Variants in APP observed in about 807,000 individuals in gnomAD.
APP encodes the protein amyloid beta precursor protein.
A neutral mutation model predicts 101.4 loss-of-function variants in APP; 31 were observed. The ratio of observed to expected loss-of-function variants is 0.31; its 90% CI spans 0.23 to 0.41. The LOEUF is 0.41. APP is among the 10% of genes least tolerant of loss of function. The pLI is 1.00. For missense variants in APP, 839 were observed against 1,003.7 expected, an observed-to-expected ratio of 0.84 and a Z score of 2.22; for synonymous variants, 366 against 364.4, an observed-to-expected ratio of 1.00 and a Z score of -0.05.
chr21:25,910,134 TA>T lies in APP; in HGVS notation c.1909+1606del, dbSNP rs2038993875. 2.6e-5 allele frequency among the ~76,000 whole-genome samples: 4 copies of T among 152,098 alleles called. No individual in the cohort carries two copies. In the South Asian group the frequency reaches 6.2e-4, roughly 24 times the overall value. ...ATATATATTTTTTACTTTATTTATT[TA>T]TTTTTTTTAAATTTAAAGTCTCGCT... On this transcript the variant is annotated intron_variant, in intron 14 of 17. Transcript: ENST00000346798.
chr21:26,140,348 C>T, intron 1 of APP: 1 of 1,508,900 alleles, frequency 6.6e-7, no homozygotes, highest in South Asian at 1.3e-5. Context: ...AGCATGTCAA[C>T]ACTAACCCAA....
intron 3 of APP, among the ~76,000 whole-genome samples, chr21:26,088,775 C>G (rs2061756952): frequency 6.6e-6 from 1 of 152,072 alleles, no homozygotes; most frequent in African/African-American, 2.4e-5. Flanking sequence ...CATATAGGAA[C>G]AAGGAATAAG....
chr21:26,101,161 G>A (rs79554415), intron 2 of APP, among the ~76,000 whole-genome samples: 1 of 136,136 alleles, frequency 7.3e-6, no homozygotes, highest in Non-Finnish European at 1.5e-5. Flanking sequence ...GTGCAGTGGC[G>A]TGATCTCGGC....
chr21:26,021,313 G>A (rs909637901), intron 6 of APP, among the ~76,000 whole-genome samples: 16 of 152,136 alleles, frequency 1.1e-4, no homozygotes, highest in African/African-American at 3.9e-4. Flanking sequence ...CTCCCAAAGT[G>A]CTGGGATTAC....
chr21:26,002,838 G>T (rs544236258), intron 6 of APP, among the ~76,000 whole-genome samples: 1 of 152,088 alleles, frequency 6.6e-6, no homozygotes, highest in Admixed American at 6.5e-5. Flanking sequence ...CACGGGCCTC[G>T]CAGTGAACAT....
At chr21:25,949,095 T>A (rs1332901541) in intron 13 of APP, among the ~76,000 whole-genome samples, 11 of 152,100 alleles carry the variant, frequency 7.2e-5, no homozygotes, top group African/African-American at 1.7e-4. Flanking sequence ...AATAACTTTT[T>A]AAAAAATAAA....
intron 15 of APP, among the ~76,000 whole-genome samples, chr21:25,898,801 G>A (rs567098755): frequency 6.6e-6 from 1 of 152,236 alleles, no homozygotes; most frequent in East Asian, 1.9e-4. Context: ...TCTTACTTGG[G>A]CTACACATTC....
chr21:25,891,568 C>G, intron 17 of APP, 154 bp downstream of exon 17: 1 of 802,376 alleles, frequency 1.2e-6, no homozygotes, highest in South Asian at 1.4e-5. Context: ...GAATGAAAAC[C>G]AAAACAAGAA....
intron 5 of APP, among the ~76,000 whole-genome samples, chr21:26,023,603 T>C (rs1319427808): frequency 1.3e-5 from 2 of 151,978 alleles, no homozygotes; most frequent in Non-Finnish European, 2.9e-5. Context: ...CTCAGAAGGC[T>C]GGGGCGGGAG....
intron 5 of APP, among the ~76,000 whole-genome samples, chr21:26,025,430 A>C (rs1039994447): frequency 6.6e-6 from 1 of 152,226 alleles, no homozygotes; most frequent in African/African-American, 2.4e-5. Flanking sequence ...CATGATGTAT[A>C]CACGTGATCT....
chr21:25,930,240 C>T (rs2040081975), intron 13 of APP, among the ~76,000 whole-genome samples: 1 of 152,186 alleles, frequency 6.6e-6, no homozygotes, highest in Non-Finnish European at 1.5e-5. Flanking sequence ...GTGTGACCAG[C>T]CCCGTCTCTC....
Position 26,146,201 on chromosome 21 carries a change from T to G in APP, c.57+24363A>C, listed in dbSNP as rs545892732. Among the ~76,000 whole-genome samples the G allele has an allele frequency of 2.0e-5, 3 of 152,304 alleles. No homozygotes were observed. In the East Asian group the frequency reaches 5.8e-4, roughly 29 times the overall value. On this transcript the variant is annotated intron_variant, in intron 1 of 17. Coordinates refer to ENST00000346798, the MANE Select transcript of APP (RefSeq NM_000484.4). ...AATACAAAAAATGAGCCAGGCGTGGTGGCTCACACCTGTAATCCCAGGTAC... is the reference window on the plus strand; with the variant it reads ...AATACAAAAAATGAGCCAGGCGTGGGGGCTCACACCTGTAATCCCAGGTAC...
chr21:25,977,289 A>T (rs928135703), intron 9 of APP, among the ~76,000 whole-genome samples: 1 of 152,224 alleles, frequency 6.6e-6, no homozygotes, highest in African/African-American at 2.4e-5. Flanking sequence ...GACAAGTAGA[A>T]TTTGTTTGAA....
chr21:25,960,969 C>T (rs937865560), intron 11 of APP, among the ~76,000 whole-genome samples: 1 of 152,122 alleles, frequency 6.6e-6, no homozygotes, highest in African/African-American at 2.4e-5. Context: ...TGGTAGTTAT[C>T]TCTATCCCTC....
At chr21:26,037,594 C>A (rs371652660) in intron 5 of APP, among the ~76,000 whole-genome samples, 2 of 152,166 alleles carry the variant, frequency 1.3e-5, no homozygotes, top group African/African-American at 4.8e-5. Context: ...CATAACTAGA[C>A]GAGGCACTTA....
At chr21:26,047,101 A>C (rs1023026557) in intron 5 of APP, among the ~76,000 whole-genome samples, 1 of 152,176 alleles carries the variant, frequency 6.6e-6, no homozygotes. Flanking sequence ...TAAATTTCTG[A>C]AACACTACCT....
chr21:25,898,821 T>C (rs769636036), intron 15 of APP, among the ~76,000 whole-genome samples: 12 of 152,152 alleles, frequency 7.9e-5, no homozygotes, highest in Non-Finnish European at 1.6e-4. Flanking sequence ...CCCAATTCCT[T>C]TGGCTCCCAG....
chr21:26,093,423 G>A (rs1212833345), intron 2 of APP, among the ~76,000 whole-genome samples: 1 of 152,170 alleles, frequency 6.6e-6, no homozygotes, highest in Non-Finnish European at 1.5e-5. Flanking sequence ...CCAGTGGCAG[G>A]CATATTCACA....
intron 3 of APP, among the ~76,000 whole-genome samples, chr21:26,062,576 C>T (rs995654364): frequency 2.0e-5 from 3 of 149,984 alleles, no homozygotes; most frequent in African/African-American, 7.4e-5. Flanking sequence ...GCAGGAGAAT[C>T]GCCTGAGCCG....
Sources: allele counts gnomAD v4.1 joint callset (sites outside exome capture counted in the v4.1 genomes callset), GRCh38; gene constraint gnomAD v4.1.1; transcripts MANE v1.5; gene names NCBI Gene and HGNC (gene_info 2026-07-23, HGNC 2026-07-21).